The following LPP variants were observed in gnomAD, a reference collection of about 807,000 sequenced individuals.
The protein encoded by LPP is lipoma-preferred partner.
A neutral mutation model predicts 60.4 loss-of-function variants in LPP; 38 were observed. The ratio of observed to expected loss-of-function variants is 0.63; its 90% CI spans 0.49 to 0.83. LPP has a LOEUF of 0.83. Among genes scored for constraint, LPP ranks in the 40% least tolerant of loss-of-function variants. The pLI is 0.00. For synonymous variants in LPP, 328 were observed against 290.8 expected (o/e 1.13, Z -1.30); for missense variants, 902 against 783.6 (o/e 1.15, Z -1.80).
At chr3:188,363,649 G>C (rs1012894179) in intron 3 of LPP, among the ~76,000 whole-genome samples, 3 of 152,152 alleles carry the variant, frequency 2.0e-5, no homozygotes, top group African/African-American at 7.2e-5. Context: ...GCTCAAGCCT[G>C]TAATCCCAGC....
At chr3:188,779,581 CT>C (rs767829096) in intron 9 of LPP, among the ~76,000 whole-genome samples, 305 of 140,852 alleles carry the variant, frequency 2.2e-3, no homozygotes, top group African/African-American at 2.4e-3. Context: ...TTCAAAAAGA[CT>C]TTTTTTTTTT....
intron 2 of LPP, among the ~76,000 whole-genome samples, chr3:188,322,585 G>A (rs574588965): frequency 6.6e-6 from 1 of 152,066 alleles, no homozygotes; most frequent in Non-Finnish European, 1.5e-5. Context: ...GGTTATATAC[G>A]GCCTGAGTTT....
intron 2 of LPP, among the ~76,000 whole-genome samples, chr3:188,323,314 G>A (rs73192612): frequency 0.13 from 19,304 of 152,136 alleles, 1,819 homozygotes; most frequent in East Asian, 0.31. Flanking sequence ...TAGAAGGAAG[G>A]TCTTGTGGCT....
intron 7 of LPP, among the ~76,000 whole-genome samples, chr3:188,667,485 A>G (rs1576930587): frequency 1.3e-5 from 2 of 151,514 alleles, no homozygotes; most frequent in African/African-American, 4.9e-5. Context: ...CTCAAAAAAA[A>G]AAAACATCTT....
intron 4 of LPP, among the ~76,000 whole-genome samples, chr3:188,449,189 G>A (rs1364701621): frequency 6.6e-6 from 1 of 152,152 alleles, no homozygotes; most frequent in Non-Finnish European, 1.5e-5. Context: ...TCTCCCTTAT[G>A]TATACCAGAT....
intron 6 of LPP, among the ~76,000 whole-genome samples, chr3:188,540,579 G>A (rs1351978934): frequency 6.6e-6 from 1 of 152,166 alleles, no homozygotes; most frequent in African/African-American, 2.4e-5. Context: ...GGCCTGGGAT[G>A]TCACTTAAAC....
chr3:188,195,265 AAAAG>A (rs1729215376), intron 1 of LPP, among the ~76,000 whole-genome samples: 1 of 151,984 alleles, frequency 6.6e-6, no homozygotes. Context: ...GTCAAAAAAA[AAAAG>A]AAAGAAAAAA....
chr3:188,686,931 T>G (rs1860876810), intron 7 of LPP, among the ~76,000 whole-genome samples: 1 of 152,176 alleles, frequency 6.6e-6, no homozygotes. Context: ...CAAACAGATA[T>G]TAGGCAGGGG....
At chr3:188,598,529 G>C (rs891238816) in intron 6 of LPP, among the ~76,000 whole-genome samples, 1 of 152,050 alleles carries the variant, frequency 6.6e-6, no homozygotes, top group Admixed American at 6.6e-5. Flanking sequence ...TTGTGATCAC[G>C]TTTATAACAT....
rs946395736 is a variant in LPP, at chr3:188,566,990, G to T, written c.430-42171G>T. ...ACAAACTGAGCTATATAAATGCAAA[G>T]AGGATGCAAATTATAAAAACTTGAA... On this transcript the variant is annotated intron_variant, in intron 6 of 11. Coordinates refer to ENST00000617246, the MANE Select transcript of LPP (RefSeq NM_001375462.1). Among the ~76,000 whole-genome samples the T allele has an allele frequency of 2.0e-5, 3 of 151,870 alleles. No individual in the cohort carries two copies. The South Asian group carries it at 6.2e-4, about 31-fold the overall frequency.
chr3:188,206,362 C>T (rs986582038), intron 1 of LPP, among the ~76,000 whole-genome samples: 10 of 152,150 alleles, frequency 6.6e-5, no homozygotes, highest in Non-Finnish European at 1.5e-4. Flanking sequence ...CCCCTTTGGA[C>T]TCTGGGAACC....
chr3:188,765,026 A>T lies in LPP; in HGVS notation c.1410+4744A>T, dbSNP rs146504451. ...TTATGTCATCAAATGGCTACAGTTAAAACATTCTAACTTGTCAGCCTACAT... is the reference window on the plus strand; with the variant it reads ...TTATGTCATCAAATGGCTACAGTTATAACATTCTAACTTGTCAGCCTACAT... On this transcript the variant is annotated intron_variant, in intron 9 of 11. Coordinates refer to ENST00000617246, the MANE Select transcript of LPP (RefSeq NM_001375462.1). Among the ~76,000 whole-genome samples the T allele has an allele frequency of 4.1e-3, 628 of 152,264 alleles. 4 individuals carry two copies. The highest frequency in any genetic ancestry group is 0.014 in the African/African-American group (588 of 41,562).
rs1296223779 is a variant in LPP, at chr3:188,878,683, A to C, written c.*4204A>C. The stretch of plus-strand genomic sequence containing the variant: ...AAAGAATCTATTTACACTACTATGA[A>C]TATTCCACTGAAGAGTCAATGATGT... On this transcript the variant is annotated 3_prime_UTR_variant, in exon 12 of 12. Transcript: ENST00000617246. The C allele has an allele frequency of 4.9e-6, 1 of 204,252 alleles. No individual in the cohort carries two copies. Among genetic ancestry groups the C allele is most frequent in the Non-Finnish European group, 1.0e-5 (1 of 99,630 alleles). 12.7% of individuals were successfully genotyped at this position (204,252 alleles called of 1,614,324 possible).
At chr3:188,857,022 G>C (rs1256916147) in intron 9 of LPP, among the ~76,000 whole-genome samples, 1 of 152,130 alleles carries the variant, frequency 6.6e-6, no homozygotes, top group East Asian at 1.9e-4. Context: ...GAGATGTGTT[G>C]GTATTCAAAA....
At chr3:188,693,083 C>T (rs1862463245) in intron 7 of LPP, among the ~76,000 whole-genome samples, 1 of 152,102 alleles carries the variant, frequency 6.6e-6, no homozygotes, top group Admixed American at 6.5e-5. Flanking sequence ...AAAATAACAC[C>T]TTGTGTGTTT....
intron 5 of LPP, among the ~76,000 whole-genome samples, chr3:188,497,113 G>A (rs1245810035): frequency 4.6e-5 from 7 of 151,792 alleles, no homozygotes; most frequent in Non-Finnish European, 1.0e-4. Context: ...TTTGGTTTAT[G>A]AGAGGCTTAA....
chr3:188,660,010 G>GT (rs888333675), intron 7 of LPP, among the ~76,000 whole-genome samples: 5 of 151,984 alleles, frequency 3.3e-5, no homozygotes, highest in Admixed American at 2.0e-4. Flanking sequence ...CCTTTAAAGC[G>GT]TAAGCACGAG....
At chr3:188,495,222 C>G (rs924204569) in intron 5 of LPP, among the ~76,000 whole-genome samples, 1 of 126,080 alleles carries the variant, frequency 7.9e-6, no homozygotes, top group African/African-American at 3.0e-5. Context: ...TTTTTTTTTG[C>G]AGAAGAAATA....
chr3:188,351,105 A>G (rs1223075315), intron 3 of LPP, among the ~76,000 whole-genome samples: 1 of 152,152 alleles, frequency 6.6e-6, no homozygotes, highest in African/African-American at 2.4e-5. Context: ...CATATTTTAA[A>G]GGCTTTGAAT....
Sources: gnomAD v4.1 joint callset for allele counts (sites outside exome capture counted in the v4.1 genomes callset) on GRCh38, gnomAD v4.1.1 for gene constraint, MANE v1.5 for transcripts, NCBI Gene and HGNC (gene_info 2026-07-23, HGNC 2026-07-21) for gene names.